Variants in CTNNAL1 observed in about 807,000 individuals in gnomAD.
CTNNAL1 encodes catenin alpha like 1.
Under a neutral mutation model 93.6 loss-of-function variants are expected in CTNNAL1, and 69 were observed. The ratio of observed to expected loss-of-function variants is 0.74; its 90% CI spans 0.61 to 0.90. The LOEUF is 0.90. CTNNAL1 is among the 40% of genes least tolerant of loss of function. The pLI is 0.00. For synonymous variants in CTNNAL1, 286 were observed against 305.4 expected (o/e 0.94, Z 0.66); for missense variants, 836 against 862.0 (o/e 0.97, Z 0.38).
At chr9:108,953,702 T>C (rs570893695) in intron 12 of CTNNAL1, among the ~76,000 whole-genome samples, 1 of 152,346 alleles carries the variant, frequency 6.6e-6, no homozygotes, top group South Asian at 2.1e-4. Flanking sequence ...AGTTTAGATC[T>C]GCTCATGGAA....
At chr9:108,972,864 G>GGGGGGGGCCCCC in intron 8 of CTNNAL1, 31 bp from the exon 9 acceptor site, 57 of 142,310 alleles carry the variant, frequency 4.0e-4, no homozygotes, top group Non-Finnish European at 5.0e-4. Context: ...GGGGGGGTGG[G>GGGGGGGGCCCCC]AGGGTGGAGA....
chr9:109,007,317 C>T (rs1488858679), intron 1 of CTNNAL1, among the ~76,000 whole-genome samples: 1 of 152,204 alleles, frequency 6.6e-6, no homozygotes, highest in Non-Finnish European at 1.5e-5. Flanking sequence ...CTTATCTACT[C>T]TCTTCATCGA....
At chr9:108,971,765 G>GT (rs1439935444) in intron 9 of CTNNAL1, among the ~76,000 whole-genome samples, 1 of 151,844 alleles carries the variant, frequency 6.6e-6, no homozygotes, top group Non-Finnish European at 1.5e-5. Flanking sequence ...ATACAGTTGG[G>GT]TTTTTTTTCT....
intron 1 of CTNNAL1, among the ~76,000 whole-genome samples, chr9:109,004,795 AAAT>A (rs1472173519): frequency 5.1e-5 from 7 of 137,708 alleles, no homozygotes; most frequent in Admixed American, 5.0e-4. Context: ...TGAAAAAAAT[AAAT>A]AAATAAATAA....
At chr9:109,000,847 T>C (rs838831) in intron 1 of CTNNAL1, among the ~76,000 whole-genome samples, 18 of 151,942 alleles carry the variant, frequency 1.2e-4, no homozygotes, top group Admixed American at 8.5e-4. Flanking sequence ...GCGTGGAATA[T>C]AGGGTTCTGG....
Position 108,979,265 on chromosome 9 carries a change from T to A in CTNNAL1, c.1101+16A>T. 1.2e-6 allele frequency: 2 copies of A among 1,613,620 alleles called. No homozygotes were observed. Among genetic ancestry groups the A allele is most frequent in the Non-Finnish European group, 8.5e-7 (1 of 1,179,870 alleles). On this transcript the variant is annotated intron_variant, in intron 7 of 18. Transcript: ENST00000325551. ...CATTATATAAGATTTACTTTGATTT[T>A]AAAAAAAGTTCTTACAGCTTGAATC...
chr9:109,004,084 G>A (rs12335597), intron 1 of CTNNAL1, among the ~76,000 whole-genome samples: 5 of 151,884 alleles, frequency 3.3e-5, no homozygotes, highest in Admixed American at 1.3e-4. Context: ...TCTTTCTCTC[G>A]GTTCACCCTA....
intron 1 of CTNNAL1, among the ~76,000 whole-genome samples, chr9:109,012,997 G>A (rs1182095315): frequency 6.6e-6 from 1 of 152,192 alleles, no homozygotes; most frequent in Admixed American, 6.5e-5. Flanking sequence ...CCGGCCGGGG[G>A]CACCCGGGAG....
chr9:108,968,248 C>T (rs36033465), intron 10 of CTNNAL1, among the ~76,000 whole-genome samples: 1 of 152,182 alleles, frequency 6.6e-6, no homozygotes, highest in Non-Finnish European at 1.5e-5. Context: ...TAAATTATCC[C>T]AGAGGCATGC....
At chr9:108,985,493 G>A (rs1831577732) in intron 4 of CTNNAL1, among the ~76,000 whole-genome samples, 1 of 152,122 alleles carries the variant, frequency 6.6e-6, no homozygotes, top group African/African-American at 2.4e-5. Flanking sequence ...AAATTAGAAT[G>A]GATTCAGAAG....
chr9:108,943,801 T>C lies in CTNNAL1; in HGVS notation c.1957A>G (p.Lys653Glu). ...TTTATTTCCAGGAGAAGCATAAGCT[T>C]GTCATCGTCTTTCAGCTGAAATGTA... is the stretch of plus-strand genomic sequence containing the variant. ...AFSKQLKDDDKLMLLLEINKL... is the reference protein window; with the variant it reads ...AFSKQLKDDDELMLLLEINKL... Residue 653 changes from lysine (K) to glutamate (E), a missense_variant, in exon 17 of 19, where the codon AAG becomes GAG. Transcript: ENST00000325551. 1.9e-6 allele frequency: 3 copies of C among 1,613,428 alleles called. No individual in the cohort carries two copies. The South Asian group carries it at 3.3e-5, about 18-fold the overall frequency.
Position 108,952,212 on chromosome 9 carries a change from G to T in CTNNAL1, c.1832C>A (p.Thr611Asn). Residue 611 changes from threonine (T) to asparagine (N), a missense_variant, in exon 14 of 19, where the codon ACT (threonine) becomes AAT (asparagine). Coordinates refer to ENST00000325551, the MANE Select transcript of CTNNAL1 (RefSeq NM_003798.4). ...SSMAYSLYLF[T>N]RGEGPLKTSQ... is the part of the protein sequence containing the mutation. The stretch of plus-strand genomic sequence containing the variant: ...ATAAAAATACAACTACATTTACCTA[G>T]TAAATAAATACAGAGAATAGGCCAT... 1 of 1,606,354 alleles carries T rather than the reference G, an allele frequency of 6.2e-7. No homozygotes were observed. Among genetic ancestry groups the T allele is most frequent in the Non-Finnish European group, 8.5e-7 (1 of 1,176,836 alleles).
rs915189838 is a variant in CTNNAL1, at chr9:108,981,258, GA to G, written c.901-1778del. On this transcript the variant is annotated intron_variant, in intron 6 of 18. Transcript: ENST00000325551. ...CAGCATTTATAAAAAGGGAAGATTAGAAAAATAATCTCTAAGATCTCTTTCA... is the reference window on the plus strand; with the variant it reads ...CAGCATTTATAAAAAGGGAAGATTAGAAAATAATCTCTAAGATCTCTTTCA... 1.1e-4 allele frequency among the ~76,000 whole-genome samples: 17 copies of G among 152,298 alleles called. 1 individual carries two copies. Among genetic ancestry groups the G allele is most frequent in the Non-Finnish European group, 1.6e-4 (11 of 68,020 alleles).
At chr9:108,947,175 G>A (rs184653609) in intron 15 of CTNNAL1, among the ~76,000 whole-genome samples, 96 of 149,086 alleles carry the variant, frequency 6.4e-4, no homozygotes, top group Middle Eastern at 3.6e-3. Flanking sequence ...GTGCAGTGGC[G>A]TGATCTCAGC....
chr9:108,984,548 GAA>G (rs202117651), intron 4 of CTNNAL1, 112 bp from the exon 5 acceptor site: 5,738 of 285,904 alleles, frequency 0.02, no homozygotes, highest in Middle Eastern at 0.03. Context: ...ATTGTTAAGT[GAA>G]AAAAAAAAAA....
At chr9:108,953,276 G>A (rs1450380718) in intron 12 of CTNNAL1, among the ~76,000 whole-genome samples, 1 of 152,102 alleles carries the variant, frequency 6.6e-6, no homozygotes, top group Admixed American at 6.5e-5. Flanking sequence ...ACCACCAATA[G>A]CAACATTTCT....
chr9:108,962,236 C>T (rs1587954522), intron 11 of CTNNAL1, among the ~76,000 whole-genome samples: 1 of 152,120 alleles, frequency 6.6e-6, no homozygotes, highest in Non-Finnish European at 1.5e-5. Flanking sequence ...TATGAAAGTA[C>T]CTGGAACCCA....
chr9:109,002,043 G>A (rs1158886554), intron 1 of CTNNAL1, among the ~76,000 whole-genome samples: 1 of 152,176 alleles, frequency 6.6e-6, no homozygotes, highest in Non-Finnish European at 1.5e-5. Context: ...AAACGTCAAA[G>A]AAACTTTGCA....
intron 6 of CTNNAL1, 124 bp downstream of exon 6, chr9:108,983,021 T>C: frequency 5.8e-6 from 5 of 863,216 alleles, no homozygotes; most frequent in Non-Finnish European, 7.5e-6. Flanking sequence ...GAGGTTGCAG[T>C]GAGCCGAGAT....
Sources: gnomAD v4.1 joint callset for allele counts (sites outside exome capture counted in the v4.1 genomes callset) on GRCh38, gnomAD v4.1.1 for gene constraint, MANE v1.5 for transcripts, NCBI Gene and HGNC (gene_info 2026-07-23, HGNC 2026-07-21) for gene names.